The following PCDHA5 variants were observed in gnomAD, a reference collection of about 807,000 sequenced individuals.
The protein encoded by PCDHA5 is protocadherin alpha-5.
Under a neutral mutation model 61.6 loss-of-function variants are expected in PCDHA5, and 43 were observed. The ratio of observed to expected loss-of-function variants is 0.70; its 90% confidence interval spans 0.55 to 0.90. PCDHA5 has a LOEUF of 0.90. Ranked by LOEUF, PCDHA5 falls within the 40% of genes least tolerant of loss-of-function variation. PCDHA5 has a pLI of 0.00. For synonymous variants in PCDHA5, 627 were observed against 543.9 expected (o/e 1.15, Z -2.13); for missense variants, 1,298 against 1,222.7 (o/e 1.06, Z -0.92).
intron 1 of PCDHA5, among the ~76,000 whole-genome samples, chr5:140,965,199 T>C (rs1296377172): frequency 6.6e-6 from 1 of 152,234 alleles, no homozygotes. Context: ...AGGCAATAGA[T>C]TTCAAATTCC....
In PCDHA5 at chr5:140,828,247, G is replaced by T. The variant is rs2150153072; in HGVS notation, c.2352+4120G>T. 9 of 1,613,862 alleles carry T rather than the reference G, an allele frequency of 5.6e-6. No individual in the cohort carries two copies. The South Asian group carries it at 9.9e-5, about 18-fold the overall frequency. ...TCGTGGGCCGGATCGCGCAGGACCTGGGGCTGGAGCTGGCGGAGCTGGTGC... is the reference window on the plus strand; with the variant it reads ...TCGTGGGCCGGATCGCGCAGGACCTTGGGCTGGAGCTGGCGGAGCTGGTGC... On this transcript the variant is annotated intron_variant, in intron 1 of 3. Coordinates refer to ENST00000529859, the MANE Select transcript of PCDHA5 (RefSeq NM_018908.3).
At chr5:140,850,468 C>T in intron 1 of PCDHA5, 1 of 1,597,912 alleles carries the variant, frequency 6.3e-7, no homozygotes, top group Non-Finnish European at 8.6e-7. Context: ...GGGGAGCCAG[C>T]GCTGACGGCC....
chr5:140,944,182 G>GTTTGT (rs750577669), intron 1 of PCDHA5, among the ~76,000 whole-genome samples: 5 of 152,052 alleles, frequency 3.3e-5, no homozygotes, highest in East Asian at 1.9e-4. Flanking sequence ...TTTTTTGTTG[G>GTTTGT]TTTGTTTTGT....
At chr5:140,999,444 C>A (rs782553983) in intron 3 of PCDHA5, among the ~76,000 whole-genome samples, 25 of 152,210 alleles carry the variant, frequency 1.6e-4, no homozygotes, top group Non-Finnish European at 3.1e-4. Flanking sequence ...GCCTCTTATT[C>A]GTTCAACGAA....
intron 1 of PCDHA5, chr5:140,968,491 T>C: frequency 6.2e-7 from 1 of 1,614,130 alleles, no homozygotes; most frequent in Non-Finnish European, 8.5e-7. Flanking sequence ...TGAATGACCA[T>C]GCCCCTCACA....
rs571904104 is a variant in PCDHA5, at chr5:140,891,379, AT to A, written c.2352+67255del. On this transcript the variant is annotated intron_variant, in intron 1 of 3. Transcript: ENST00000529859. ...ACCTGAGCAGTATACATTGCACCATATTTGCAATCTTTTATCCCTCGCCACC... is the reference window on the plus strand; with the variant it reads ...ACCTGAGCAGTATACATTGCACCATATTGCAATCTTTTATCCCTCGCCACC... Among the ~76,000 whole-genome samples, 7 of 151,980 alleles carry A rather than the reference AT, an allele frequency of 4.6e-5. No individual in the cohort carries two copies. In the South Asian group the frequency reaches 1.5e-3, roughly 32 times the overall value.
At chr5:140,890,226 G>C (rs1339541830) in intron 1 of PCDHA5, among the ~76,000 whole-genome samples, 7 of 152,100 alleles carry the variant, frequency 4.6e-5, no homozygotes, top group Admixed American at 4.6e-4. Context: ...AGACCTAGTT[G>C]TTAAGCATTT....
intron 1 of PCDHA5, among the ~76,000 whole-genome samples, chr5:140,935,606 T>C (rs531169810): frequency 6.6e-6 from 1 of 152,352 alleles, no homozygotes; most frequent in East Asian, 1.9e-4. Flanking sequence ...GAGCTAGGCT[T>C]TTTTCAAGTC....
chr5:140,877,782 GGCCTTCAGCCCAA>G, intron 1 of PCDHA5: 1 of 1,614,154 alleles, frequency 6.2e-7, no homozygotes, highest in Non-Finnish European at 8.5e-7. Context: ...CGGACCTCAT[GGCCTTCAGCCCAA>G]GCCTTCAGCT....
Position 140,968,634 on chromosome 5 carries a change from A to G in PCDHA5, c.2353-10315A>G, listed in dbSNP as rs782166097. ...GGGCAAAATGCTTGGCTTTTTTACC[A>G]TCTAGCCCAGACTTCTGACCTGGAC... On this transcript the variant is annotated intron_variant, in intron 1 of 3. Coordinates refer to ENST00000529859, the MANE Select transcript of PCDHA5 (RefSeq NM_018908.3). 14 of 1,614,176 alleles carry G rather than the reference A, an allele frequency of 8.7e-6. 1 individual carries two copies. The South Asian group carries it at 1.3e-4, about 15-fold the overall frequency.
chr5:140,836,378 G>A, intron 1 of PCDHA5: 2 of 1,613,750 alleles, frequency 1.2e-6, no homozygotes, highest in Non-Finnish European at 1.7e-6. Context: ...CAGCCACCGT[G>A]CTGGTGTCGC....
intron 1 of PCDHA5, among the ~76,000 whole-genome samples, chr5:140,886,931 G>A (rs1426144437): frequency 6.6e-6 from 1 of 151,756 alleles, no homozygotes; most frequent in Non-Finnish European, 1.5e-5. Context: ...CTATGTGCCA[G>A]GCATGTTCTA....
chr5:140,924,824 G>T (rs782384284), intron 1 of PCDHA5, among the ~76,000 whole-genome samples: 5 of 151,742 alleles, frequency 3.3e-5, no homozygotes, highest in African/African-American at 4.8e-5. Context: ...GAACCTGGGA[G>T]GGGGAGGTTG....
At chr5:141,009,179 G>C (rs1343163889) in intron 3 of PCDHA5, among the ~76,000 whole-genome samples, 2 of 152,212 alleles carry the variant, frequency 1.3e-5, no homozygotes, top group Non-Finnish European at 2.9e-5. Flanking sequence ...CCTTGGCTGG[G>C]TGTGGTAGCT....
chr5:140,928,637 A>C (rs781828981), intron 1 of PCDHA5: 1 of 1,614,202 alleles, frequency 6.2e-7, no homozygotes, highest in South Asian at 1.1e-5. Context: ...TTGGTCACAA[A>C]AGTGGTAGCA....
In PCDHA5 at chr5:140,949,013, T is replaced by C. The variant is rs541040709; in HGVS notation, c.2353-29936T>C. Among the ~76,000 whole-genome samples, 141 of 151,862 alleles carry C rather than the reference T, an allele frequency of 9.3e-4. No homozygotes were observed. In the Middle Eastern group the frequency reaches 0.01, roughly 11 times the overall value. On this transcript the variant is annotated intron_variant, in intron 1 of 3. Transcript: ENST00000529859. ...GCATTTTACTAATTTTTATATGTGATGTTTTTATTTTTATTCATTTAAAAG... is the reference window on the plus strand; with the variant it reads ...GCATTTTACTAATTTTTATATGTGACGTTTTTATTTTTATTCATTTAAAAG...
intron 1 of PCDHA5, among the ~76,000 whole-genome samples, chr5:140,976,505 C>T (rs538128648): frequency 3.3e-5 from 5 of 152,122 alleles, no homozygotes; most frequent in East Asian, 3.9e-4. Flanking sequence ...GAGCCAAGAT[C>T]GCGCCACTGC....
At chr5:140,871,352 C>CT in intron 1 of PCDHA5, 1 of 1,614,210 alleles carries the variant, frequency 6.2e-7, no homozygotes, top group South Asian at 1.1e-5. Flanking sequence ...TGGTCATACT[C>CT]GCAGCAGAGG....
intron 1 of PCDHA5, chr5:140,878,023 T>C (rs1162658024): frequency 2.6e-6 from 2 of 762,594 alleles, no homozygotes; most frequent in Non-Finnish European, 3.8e-6. Context: ...GAAGGAAATA[T>C]GTAGGTACAA....
Sources: allele counts gnomAD v4.1 joint callset (sites outside exome capture counted in the v4.1 genomes callset), GRCh38; gene constraint gnomAD v4.1.1; transcripts MANE v1.5; gene names NCBI Gene and HGNC (gene_info 2026-07-23, HGNC 2026-07-21).